Variants in FAM131B observed in about 807,000 individuals in gnomAD.
FAM131B encodes the protein family with sequence similarity 131 member B.
In FAM131B, 19 loss-of-function variants were observed where a neutral mutation model predicts 42.0. The observed-to-expected ratio is 0.45, with a 90% CI of 0.32 to 0.66. The LOEUF is 0.66. Ranked by LOEUF, FAM131B falls within the 30% of genes least tolerant of loss-of-function variation. The pLI is 0.05. For missense variants in FAM131B, 370 were observed against 468.4 expected, an observed-to-expected ratio of 0.79 and a Z score of 1.94; for synonymous variants, 183 against 177.6, an observed-to-expected ratio of 1.03 and a Z score of -0.24.
In FAM131B at chr7:143,356,754, T is replaced by C; in HGVS notation, c.879A>G (p.Ala293=). 6.2e-7 allele frequency: 1 copy of C among 1,614,048 alleles called. No individual in the cohort carries two copies. The highest frequency in any genetic ancestry group is 8.5e-7 in the Non-Finnish European group (1 of 1,180,008). The change falls in exon 7 of 7, where the codon GCA becomes GCG. Residue 293 remains alanine (A), a synonymous_variant. Transcript: ENST00000443739. The surrounding 1 kb of genome is among the most constrained non-coding windows in gnomAD (Gnocchi z 4.4). ...CAGCAGGGCCCCTTGCCAGGTCCAC[T>C]GCGCCTACCCCCGGAGCCCAGTCAG... ...GDTDWAPGVG[A]VDLARGPAEE... is the part of the protein sequence containing the mutation.
At chr7:143,357,473 C>A in intron 5 of FAM131B, 50 bp from the exon 6 acceptor site, 1 of 1,557,632 alleles carries the variant, frequency 6.4e-7, no homozygotes, top group Non-Finnish European at 8.7e-7. Context: ...AATCCTTAGA[C>A]ATGTGCGTGG....
rs961199776 is a variant in FAM131B, at chr7:143,356,395, C to T, written c.*155G>A. ...TAGAGTGTAAGCCTGGATAAAATCC[C>T]ATCCTGGTCCTCCATTTCCAGGAGA... is the stretch of plus-strand genomic sequence containing the variant. On this transcript the variant is annotated 3_prime_UTR_variant, in exon 7 of 7. Coordinates refer to ENST00000443739, the MANE Select transcript of FAM131B (RefSeq NM_001031690.3). The surrounding 1 kb of genome is among the most constrained non-coding windows in gnomAD (Gnocchi z 4.4). 6.5e-6 allele frequency: 4 copies of T among 619,940 alleles called. No homozygotes were observed. Among genetic ancestry groups the T allele is most frequent in the Non-Finnish European group, 1.1e-5 (4 of 354,310 alleles). 38.4% of individuals were successfully genotyped at this position (619,940 alleles called of 1,614,324 possible).
chr7:143,369,048 T>C, the FAM131B span, among the ~76,000 whole-genome samples: 2 of 152,320 alleles, frequency 1.3e-5, no homozygotes, highest in South Asian at 4.1e-4. Context: ...GGGCATTAGT[T>C]ACAGATGACT....
the FAM131B span, chr7:143,382,262 C>T: frequency 3.1e-6 from 5 of 1,612,738 alleles, no homozygotes; most frequent in African/African-American, 4.0e-5. Flanking sequence ...TCCCCTGCCT[C>T]CACCTCCCCT....
the FAM131B span, among the ~76,000 whole-genome samples, chr7:143,372,409 A>C: frequency 6.6e-6 from 1 of 152,226 alleles, no homozygotes; most frequent in Non-Finnish European, 1.5e-5. Flanking sequence ...CCAGTGGGCC[A>C]AGGGATTGTC....
chr7:143,356,935 T>C lies in FAM131B; in HGVS notation c.698A>G (p.Glu233Gly), dbSNP rs74932743. 877 of 1,614,022 alleles carry C rather than the reference T, an allele frequency of 5.4e-4. No individual in the cohort carries two copies. Among genetic ancestry groups the C allele is most frequent in the South Asian group, 1.7e-3 (153 of 91,076 alleles). Residue 233 changes from glutamate (E) to glycine (G), a missense_variant, in exon 7 of 7, where the codon GAA becomes GGA. Glu to Gly is a moderately conservative substitution (Grantham distance 98, BLOSUM62 -2). Transcript: ENST00000443739. The surrounding 1 kb of genome is among the most constrained non-coding windows in gnomAD (Gnocchi z 4.4). ...GGCAATGAGGGACTGATCGCTGGCT[T>C]CCCAGGCATCTGACGACCCCAGACA... ...MYCLGSSDAWEASDQSLIASP... is the reference protein window; with the variant it reads ...MYCLGSSDAWGASDQSLIASP...
At chr7:143,357,451 A>T (rs1316257116) in intron 5 of FAM131B, 28 bp from the exon 6 acceptor site, 1 of 1,597,074 alleles carries the variant, frequency 6.3e-7, no homozygotes, top group African/African-American at 1.3e-5. Flanking sequence ...ACAACCACAA[A>T]ATACCTCAGG....
At chr7:143,380,480 G>A in the FAM131B span, 2 of 985,402 alleles carry the variant, frequency 2.0e-6, no homozygotes, top group Non-Finnish European at 1.2e-6. This position sits in a 1 kb window ranked among gnomAD's most constrained non-coding sequence, Gnocchi z 5.0. Flanking sequence ...TTGAAGGGCC[G>A]TAAAAGACGA....
rs552540945 is a variant in FAM131B at position 143,358,038 on chromosome 7, C to T, written c.467-615G>A. On this transcript the variant is annotated intron_variant, in intron 5 of 6. Transcript: ENST00000443739. This position sits in a 1 kb window ranked among gnomAD's most constrained non-coding sequence, Gnocchi z 4.7. ...CAACAGAGAACCCCCAAGAGAGCAT[C>T]GTGGGCTTGTGGGTCCACCATAATA... Among the ~76,000 whole-genome samples the T allele has an allele frequency of 9.6e-4, 146 of 152,212 alleles. 1 individual carries two copies. Among genetic ancestry groups the T allele is most frequent in the African/African-American group, 3.2e-3 (133 of 41,524 alleles).
chr7:143,353,689 G>A lies in FAM131B; in HGVS notation c.*2861C>T, dbSNP rs1353380464. On this transcript the variant is annotated 3_prime_UTR_variant, in exon 7 of 7. Coordinates refer to ENST00000443739, the MANE Select transcript of FAM131B (RefSeq NM_001031690.3). ...AAAATGGATATTTCCCAGACCTGGA[G>A]GATGGTGTGTGGGATGTATAGGTGA... The A allele has an allele frequency of 6.6e-6, 1 of 152,572 alleles. No individual in the cohort carries two copies. The highest frequency in any genetic ancestry group is 1.5e-5 in the Non-Finnish European group (1 of 68,050). The allele number at this position is 152,572 out of a possible 1,614,324, so 9.5% of individuals were successfully genotyped here.
chr7:143,381,521 C>A, the FAM131B span: 2 of 1,572,066 alleles, frequency 1.3e-6, no homozygotes, highest in Middle Eastern at 1.9e-4. Context: ...CTCCTGAGCC[C>A]GGCTCCGCGC....
At chr7:143,360,199 G>C (rs141069158) in intron 1 of FAM131B, 50 bp from the exon 2 acceptor site, 3 of 1,559,190 alleles carry the variant, frequency 1.9e-6, no homozygotes, top group East Asian at 2.4e-5. Context: ...CTGTGCAGCC[G>C]AGGCGACACC....
At chr7:143,378,987 TGGCTTAAAA>T in the FAM131B span, among the ~76,000 whole-genome samples, 7 of 152,240 alleles carry the variant, frequency 4.6e-5, no homozygotes. Context: ...TTAGAATGGC[TGGCTTAAAA>T]GTCTTTGTTT....
At chr7:143,361,051 C>A (rs1586539918) in intron 1 of FAM131B, 1 of 152,024 alleles carries the variant, frequency 6.6e-6, no homozygotes, top group African/African-American at 2.4e-5. Flanking sequence ...ACCATCTGAC[C>A]GTACAGGCCC....
chr7:143,378,140 A>G, the FAM131B span, among the ~76,000 whole-genome samples: 2 of 152,372 alleles, frequency 1.3e-5, no homozygotes, highest in East Asian at 3.9e-4. Context: ...TGTTTTCAGA[A>G]TGCTTCACGT....
At chr7:143,380,598 C>T in the FAM131B span, 3 of 985,528 alleles carry the variant, frequency 3.0e-6, no homozygotes, top group Non-Finnish European at 1.2e-6. This position sits in a 1 kb window ranked among gnomAD's most constrained non-coding sequence, Gnocchi z 5.0. Context: ...CGAACGGTCC[C>T]TCTCGCAACC....
upstream of FAM131B, among the ~76,000 whole-genome samples, chr7:143,363,738 T>A (rs6464545): frequency 6.6e-6 from 1 of 152,158 alleles, no homozygotes; most frequent in Non-Finnish European, 1.5e-5. Flanking sequence ...AGTGGGCAGG[T>A]GGGCATTCAC....
Position 143,358,741 on chromosome 7 carries a change from C to T in FAM131B, c.466+86G>A. 5 of 1,024,826 alleles carry T rather than the reference C, an allele frequency of 4.9e-6. No homozygotes were observed. The highest frequency in any genetic ancestry group is 7.5e-6 in the Non-Finnish European group (5 of 670,948). The allele number at this position is 1,024,826 out of a possible 1,614,324, so 63.5% of individuals were successfully genotyped here. A position where few individuals can be genotyped will look rare whatever the true frequency, so the allele number is the denominator to read the frequency against. On this transcript the variant is annotated intron_variant, in intron 5 of 6. Transcript: ENST00000443739. This position sits in a 1 kb window ranked among gnomAD's most constrained non-coding sequence, Gnocchi z 4.7. ...ATCTACGGTCAAAGTATGGATGGAGCTAATCCTGCCACAGGGGATCAGGTT... is the reference window on the plus strand; with the variant it reads ...ATCTACGGTCAAAGTATGGATGGAGTTAATCCTGCCACAGGGGATCAGGTT...
At chr7:143,372,891 G>A in the FAM131B span, among the ~76,000 whole-genome samples, 5 of 151,856 alleles carry the variant, frequency 3.3e-5, no homozygotes, top group South Asian at 2.1e-4. Context: ...CCCGGGAGGC[G>A]GAGGTTGCAG....
Sources: allele counts gnomAD v4.1 joint callset (sites outside exome capture counted in the v4.1 genomes callset), GRCh38; gene constraint gnomAD v4.1.1; non-coding constraint Gnocchi (gnomAD v3.1); transcripts MANE v1.5; gene names NCBI Gene and HGNC (gene_info 2026-07-23, HGNC 2026-07-21).